DOCK1: variants seen among roughly 807,000 people sequenced by gnomAD.
The protein encoded by DOCK1 is dedicator of cytokinesis protein 1.
In DOCK1, 138 loss-of-function variants were observed where a neutral mutation model predicts 262.7. The ratio of observed to expected loss-of-function variants is 0.53; its 90% confidence interval spans 0.46 to 0.61. The LOEUF is 0.61. Among genes scored for constraint, DOCK1 ranks in the 20% least tolerant of loss-of-function variants. The pLI, the probability that DOCK1 is intolerant of heterozygous loss-of-function variation, is 0.00. For missense variants in DOCK1, 1,908 were observed against 2,370.7 expected (o/e 0.80, Z 4.05); for synonymous variants, 866 against 867.4 (o/e 1.00, Z 0.03).
intron 27 of DOCK1, among the ~76,000 whole-genome samples, chr10:127,135,038 G>GCTAC (rs1195943545): frequency 6.6e-6 from 1 of 152,190 alleles, no homozygotes; most frequent in East Asian, 1.9e-4. Flanking sequence ...CTAGAGAGAA[G>GCTAC]CTACCTCCCC....
chr10:126,986,085 C>A (rs1030937463), intron 4 of DOCK1, among the ~76,000 whole-genome samples: 1 of 152,012 alleles, frequency 6.6e-6, no homozygotes, highest in Non-Finnish European at 1.5e-5. Context: ...AACTCCTGAT[C>A]CACCCACCTC....
chr10:126,970,113 G>A (rs2037986635), intron 1 of DOCK1, among the ~76,000 whole-genome samples: 1 of 152,138 alleles, frequency 6.6e-6, no homozygotes, highest in Admixed American at 6.6e-5. Context: ...CAAAAGTGTG[G>A]TTGGAATTTA....
chr10:127,336,520 A>G (rs1298849441), intron 29 of DOCK1, among the ~76,000 whole-genome samples: 5 of 151,160 alleles, frequency 3.3e-5, no homozygotes, highest in Admixed American at 2.6e-4. Context: ...ACATTATTTT[A>G]GCATGACATA....
At chr10:126,993,576 T>C (rs2039965502) in intron 6 of DOCK1, among the ~76,000 whole-genome samples, 2 of 152,234 alleles carry the variant, frequency 1.3e-5, no homozygotes, top group South Asian at 4.1e-4. Context: ...AAATAACTAA[T>C]GAGACCTTAA....
chr10:127,132,559 T>C (rs1425578056), intron 27 of DOCK1, among the ~76,000 whole-genome samples: 4 of 152,204 alleles, frequency 2.6e-5, no homozygotes, highest in Non-Finnish European at 5.9e-5. Context: ...CCCTCAGCAT[T>C]AAGCAGCATT....
chr10:127,100,602 C>T lies in DOCK1; in HGVS notation c.2446-5629C>T, dbSNP rs1221925879. 6.6e-6 allele frequency among the ~76,000 whole-genome samples: 1 copy of T among 151,972 alleles called. No homozygotes were observed. Among genetic ancestry groups the T allele is most frequent in the Non-Finnish European group, 1.5e-5 (1 of 67,982 alleles). ...CATTGGCATGGCAGGAGGTGAGGTC[C>T]CTTGTGGGATATGTGGAGGGACCCC... is the stretch of plus-strand genomic sequence containing the variant. On this transcript the variant is annotated intron_variant, in intron 23 of 51. Coordinates refer to ENST00000623213, the MANE Select transcript of DOCK1 (RefSeq NM_001290223.2). The surrounding 1 kb of genome is among the most constrained non-coding windows in gnomAD (Gnocchi z 5.5).
chr10:127,428,212 C>G (rs372754102), intron 47 of DOCK1, among the ~76,000 whole-genome samples: 2 of 152,230 alleles, frequency 1.3e-5, no homozygotes, highest in South Asian at 4.1e-4. Flanking sequence ...CATTTTCTTC[C>G]TAAGTGAAAA....
At chr10:127,184,218 G>C (rs909546688) in intron 27 of DOCK1, among the ~76,000 whole-genome samples, 1 of 152,070 alleles carries the variant, frequency 6.6e-6, no homozygotes, top group Admixed American at 6.5e-5. Flanking sequence ...GGTTTGCATT[G>C]GGGTCACGAG....
Position 127,012,281 on chromosome 10 carries a change from C to A in DOCK1, c.1108C>A (p.Arg370Ser). The A allele has an allele frequency of 6.2e-7, 1 of 1,613,934 alleles. No individual in the cohort carries two copies. The highest frequency in any genetic ancestry group is 8.5e-7 in the Non-Finnish European group (1 of 1,179,810). ...ACACAAGCCGCTGAACATGTCATCC[C>A]GTTTTTCACCCAGGGTGGCAGGGGA... is the stretch of plus-strand genomic sequence containing the variant. The part of the protein sequence containing the change: ...IRHKPLNMSS[R>S]FSPRVAGEND... The change falls in exon 12 of 52, where the codon CGT becomes AGT. Residue 370 changes from arginine (R) to serine (S), a missense_variant. Around this residue, in one of 9 missense-constraint regions of DOCK1, gnomAD observed 57 missense variants for 39.7 expected, o/e 1.44. Coordinates refer to ENST00000623213, the MANE Select transcript of DOCK1 (RefSeq NM_001290223.2). The surrounding 1 kb of genome is among the most constrained non-coding windows in gnomAD (Gnocchi z 4.0).
chr10:127,429,493 C>CA (rs2069133538), intron 47 of DOCK1, among the ~76,000 whole-genome samples: 1 of 152,116 alleles, frequency 6.6e-6, no homozygotes, highest in South Asian at 2.1e-4. Flanking sequence ...ACCCTGTTTG[C>CA]AAAAAAGATG....
intron 21 of DOCK1, among the ~76,000 whole-genome samples, chr10:127,048,587 A>G (rs575087058): frequency 6.6e-6 from 1 of 152,326 alleles, no homozygotes; most frequent in East Asian, 1.9e-4. Flanking sequence ...TGCCTAGCCA[A>G]AGGTCTTAAC....
rs545629701 is a variant in DOCK1, at chr10:127,308,007, C to T, written c.3045-30999C>T. Among the ~76,000 whole-genome samples the T allele has an allele frequency of 2.6e-5, 4 of 152,366 alleles. No homozygotes were observed. The East Asian group carries it at 7.7e-4, about 29-fold the overall frequency. On this transcript the variant is annotated intron_variant, in intron 29 of 51. Transcript: ENST00000623213. Reference sequence around the variant, plus strand: ...TTGAGACTGCCTTGAACCATGGGGTCTCCTGGGGAGGGGCTGGAGCTGTCA... The same window carrying T: ...TTGAGACTGCCTTGAACCATGGGGTTTCCTGGGGAGGGGCTGGAGCTGTCA...
chr10:127,213,054 ACTCAGTAATGT>A (rs1210963277), intron 27 of DOCK1, among the ~76,000 whole-genome samples: 1 of 152,124 alleles, frequency 6.6e-6, no homozygotes, highest in Non-Finnish European at 1.5e-5. Context: ...CCTTTAGATT[ACTCAGTAATGT>A]CGACAGCTTG....
At chr10:127,368,428 T>C (rs2065039418) in intron 33 of DOCK1, among the ~76,000 whole-genome samples, 2 of 152,028 alleles carry the variant, frequency 1.3e-5, no homozygotes, top group African/African-American at 4.8e-5. Flanking sequence ...CTGCCCCCTT[T>C]CCTTACAGCT....
chr10:127,296,512 GC>G (rs1395214575), intron 29 of DOCK1, among the ~76,000 whole-genome samples: 1 of 152,216 alleles, frequency 6.6e-6, no homozygotes, highest in Non-Finnish European at 1.5e-5. Context: ...CAAGAAACCT[GC>G]CGTGTGGAGT....
intron 27 of DOCK1, among the ~76,000 whole-genome samples, chr10:127,130,204 CT>C (rs1269806698): frequency 6.6e-6 from 1 of 151,602 alleles, no homozygotes; most frequent in African/African-American, 2.4e-5. Flanking sequence ...GTGCCTCGGA[CT>C]CCCGAGAAGC....
In DOCK1 at chr10:127,275,237, G is replaced by C. The variant is rs1216017714; in HGVS notation, c.3044+17808G>C. On this transcript the variant is annotated intron_variant, in intron 29 of 51. Transcript: ENST00000623213. Reference sequence around the variant, plus strand: ...AGTCAGCAAAGGAGACCAAGAGCAGGAGTCAGTAATAGGAAGAAAAAAAAA... The same window carrying C: ...AGTCAGCAAAGGAGACCAAGAGCAGCAGTCAGTAATAGGAAGAAAAAAAAA... Among the ~76,000 whole-genome samples the C allele has an allele frequency of 3.3e-5, 5 of 151,866 alleles. 1 individual carries two copies. In the South Asian group the frequency reaches 1.0e-3, roughly 32 times the overall value.
chr10:127,143,051 G>A (rs1227777406), intron 27 of DOCK1, among the ~76,000 whole-genome samples: 2 of 152,144 alleles, frequency 1.3e-5, no homozygotes, highest in Admixed American at 6.5e-5. Flanking sequence ...TTTGCAGAGC[G>A]GCATCCTTCT....
At chr10:127,321,365 A>ATTTTTTTT (rs113267450) in intron 29 of DOCK1, among the ~76,000 whole-genome samples, 1 of 127,198 alleles carries the variant, frequency 7.9e-6, no homozygotes. Context: ...TCTCTAGCTC[A>ATTTTTTTT]TTTTTTTTTT....
Sources: allele counts gnomAD v4.1 joint callset (sites outside exome capture counted in the v4.1 genomes callset), GRCh38; gene constraint gnomAD v4.1.1; regional missense constraint gnomAD v4.1.1; non-coding constraint Gnocchi (gnomAD v3.1); transcripts MANE v1.5; gene names NCBI Gene and HGNC (gene_info 2026-07-23, HGNC 2026-07-21).